SPMIP11: variants seen among roughly 807,000 people sequenced by gnomAD.
The protein encoded by SPMIP11 is sperm microtubule inner protein 11.
the SPMIP11 span, chr12:48,765,006 G>A: frequency 1.4e-6 from 1 of 702,336 alleles, no homozygotes; most frequent in Non-Finnish European, 2.6e-6. Flanking sequence ...GTTAGGCTGG[G>A]AGGGGTAAGG....
chr12:48,736,413 CAAAAAAAAAAAAA>C, the SPMIP11 span, among the ~76,000 whole-genome samples: 1 of 71,844 alleles, frequency 1.4e-5, no homozygotes, highest in South Asian at 5.0e-4. Flanking sequence ...GACTCTGTCT[CAAAAAAAAAAAAA>C]AAAAAAAAAG....
At chr12:48,737,190 A>G in the SPMIP11 span, among the ~76,000 whole-genome samples, 1 of 152,014 alleles carries the variant, frequency 6.6e-6, no homozygotes, top group Non-Finnish European at 1.5e-5. Flanking sequence ...CAATCAAGCA[A>G]TCTGCTTGCC....
chr12:48,742,950 G>T, the SPMIP11 span, among the ~76,000 whole-genome samples: 1 of 152,046 alleles, frequency 6.6e-6, no homozygotes, highest in Admixed American at 6.6e-5. Flanking sequence ...TATTCCATCA[G>T]TTCAAATATT....
the SPMIP11 span, among the ~76,000 whole-genome samples, chr12:48,761,187 C>T: frequency 6.6e-6 from 1 of 151,884 alleles, no homozygotes; most frequent in Admixed American, 6.6e-5. Context: ...TGGCTCATGC[C>T]TGTAATCCCA....
the SPMIP11 span, among the ~76,000 whole-genome samples, chr12:48,751,217 C>A: frequency 6.6e-6 from 1 of 152,104 alleles, no homozygotes; most frequent in African/African-American, 2.4e-5. Flanking sequence ...TCTGCCAGTC[C>A]CTGCCTCCTT....
chr12:48,750,223 C>CG, the SPMIP11 span, among the ~76,000 whole-genome samples: 1 of 152,018 alleles, frequency 6.6e-6, no homozygotes, highest in African/African-American at 2.4e-5. Flanking sequence ...CATAGTGGCA[C>CG]GCACCTTTAG....
At chr12:48,741,948 ATTC>A in the SPMIP11 span, among the ~76,000 whole-genome samples, 1 of 152,166 alleles carries the variant, frequency 6.6e-6, no homozygotes, top group Non-Finnish European at 1.5e-5. Flanking sequence ...CAACTACCCT[ATTC>A]TTCATCAAAC....
chr12:48,728,539 T>G, the SPMIP11 span, among the ~76,000 whole-genome samples: 2 of 151,852 alleles, frequency 1.3e-5, no homozygotes, highest in African/African-American at 2.4e-5. Flanking sequence ...AAACCCCGTC[T>G]CTACTAAAAA....
the SPMIP11 span, among the ~76,000 whole-genome samples, chr12:48,759,046 C>T: frequency 1.3e-5 from 2 of 152,194 alleles, no homozygotes; most frequent in South Asian, 2.1e-4. Flanking sequence ...CTCTCCCTCC[C>T]CTCTGTCACA....
the SPMIP11 span, among the ~76,000 whole-genome samples, chr12:48,732,643 G>A: frequency 0.018 from 2,729 of 151,694 alleles, 90 homozygotes; most frequent in African/African-American, 0.062. Flanking sequence ...GGTGACGGAC[G>A]CCTGTAATCT....
At chr12:48,757,317 C>T in the SPMIP11 span, among the ~76,000 whole-genome samples, 1 of 151,930 alleles carries the variant, frequency 6.6e-6, no homozygotes, top group Non-Finnish European at 1.5e-5. Context: ...GAGATGCAAG[C>T]CAAATCTAGC....
the SPMIP11 span, chr12:48,767,359 AC>A: frequency 9.2e-5 from 14 of 152,440 alleles, no homozygotes; most frequent in East Asian, 2.5e-3. Context: ...TTGCTACCAC[AC>A]CCCATCCCAC....
chr12:48,765,612 T>C, the SPMIP11 span: 2 of 702,914 alleles, frequency 2.8e-6, no homozygotes, highest in Admixed American at 2.0e-5. Flanking sequence ...TCCAGGTTTA[T>C]GGATCACTCT....
At chr12:48,727,633 A>C in the SPMIP11 span, 2 of 675,312 alleles carry the variant, frequency 3.0e-6, no homozygotes, top group Admixed American at 4.2e-5. Flanking sequence ...CTTCCTAGCT[A>C]TTTATTTTCC....
the SPMIP11 span, among the ~76,000 whole-genome samples, chr12:48,746,360 C>CTTTTTTTT: frequency 6.9e-5 from 7 of 101,234 alleles, no homozygotes; most frequent in Non-Finnish European, 1.0e-4. Flanking sequence ...ACTATAATTC[C>CTTTTTTTT]TTTTTTTTTT....
At chr12:48,745,105 C>A in the SPMIP11 span, among the ~76,000 whole-genome samples, 1 of 151,870 alleles carries the variant, frequency 6.6e-6, no homozygotes, top group African/African-American at 2.4e-5. Context: ...CCCGTCTCTA[C>A]TAAAAATACA....
chr12:48,738,943 T>G, the SPMIP11 span, among the ~76,000 whole-genome samples: 13 of 152,116 alleles, frequency 8.5e-5, no homozygotes, highest in Admixed American at 7.2e-4. Context: ...TTTTGCTTTT[T>G]TTTCTTCATG....
chr12:48,747,915 G>T, the SPMIP11 span, among the ~76,000 whole-genome samples: 2 of 152,110 alleles, frequency 1.3e-5, no homozygotes. Context: ...GACTGTATTT[G>T]GCTTTTATCT....
At chr12:48,759,289 A>G in the SPMIP11 span, 1 of 702,910 alleles carries the variant, frequency 1.4e-6, no homozygotes, top group Admixed American at 2.0e-5. Flanking sequence ...GAATAGCCAC[A>G]CAAGATACCA....
Sources: gnomAD v4.1 joint callset for allele counts (sites outside exome capture counted in the v4.1 genomes callset) on GRCh38, gnomAD v4.1.1 for gene constraint, MANE v1.5 for transcripts, NCBI Gene and HGNC (gene_info 2026-07-23, HGNC 2026-07-21) for gene names.